Variants in OPCML observed in about 807,000 individuals in gnomAD.
OPCML encodes opioid-binding protein/cell adhesion molecule.
A neutral mutation model predicts 37.8 loss-of-function variants in OPCML; 13 were observed. The ratio of observed to expected loss-of-function variants is 0.34; its 90% CI spans 0.22 to 0.55. OPCML has a LOEUF of 0.55. Among genes scored for constraint, OPCML ranks in the 20% least tolerant of loss-of-function variants. OPCML has a pLI of 0.91. For missense variants in OPCML, 341 were observed against 435.6 expected, an observed-to-expected ratio of 0.78 and a Z score of 1.93; for synonymous variants, 176 against 168.8, an observed-to-expected ratio of 1.04 and a Z score of -0.33.
At chr11:132,453,785 C>T (rs1236808187) in intron 4 of OPCML, among the ~76,000 whole-genome samples, 1 of 152,078 alleles carries the variant, frequency 6.6e-6, no homozygotes, top group Non-Finnish European at 1.5e-5. Flanking sequence ...CTTCAGCAGG[C>T]AGAACTGGGA....
chr11:133,306,292 A>G (rs1282805189), intron 1 of OPCML, among the ~76,000 whole-genome samples: 3 of 152,206 alleles, frequency 2.0e-5, no homozygotes, highest in African/African-American at 7.2e-5. Context: ...ACGCAGCAAA[A>G]TACCACAACA....
chr11:133,007,050 C>T (rs1389546265), intron 1 of OPCML: 4 of 985,296 alleles, frequency 4.1e-6, no homozygotes, highest in Non-Finnish European at 4.8e-6. Context: ...AGAAAAAAAT[C>T]CTTTTCTTTC....
intron 2 of OPCML, among the ~76,000 whole-genome samples, chr11:132,691,265 G>T (rs542188847): frequency 5.9e-5 from 9 of 152,308 alleles, no homozygotes; most frequent in African/African-American, 2.2e-4. Context: ...AGATATTTTT[G>T]CTCACTGTTG....
intron 3 of OPCML, among the ~76,000 whole-genome samples, chr11:132,613,763 TG>T (rs1249708403): frequency 2.0e-5 from 3 of 152,148 alleles, no homozygotes; most frequent in Admixed American, 1.3e-4. Context: ...TATCAAGGCA[TG>T]CAGAATGGCT....
intron 3 of OPCML, among the ~76,000 whole-genome samples, chr11:132,605,864 G>C (rs1020985371): frequency 6.6e-6 from 1 of 152,214 alleles, no homozygotes; most frequent in Admixed American, 6.5e-5. Flanking sequence ...ATAAATGAAT[G>C]AATAAGTGAA....
chr11:133,080,948 T>C (rs568437454), intron 1 of OPCML, among the ~76,000 whole-genome samples: 7 of 151,234 alleles, frequency 4.6e-5, no homozygotes, highest in Non-Finnish European at 1.0e-4. Flanking sequence ...AGTGGAAGAG[T>C]GGGGGTGAAG....
chr11:133,462,038 C>G (rs1946872575), intron 1 of OPCML, among the ~76,000 whole-genome samples: 1 of 151,716 alleles, frequency 6.6e-6, no homozygotes, highest in African/African-American at 2.4e-5. Context: ...AAAATATAGT[C>G]TTTTCAATAA....
At chr11:133,082,906 G>A (rs867263267) in intron 1 of OPCML, among the ~76,000 whole-genome samples, 83 of 150,398 alleles carry the variant, frequency 5.5e-4, no homozygotes, top group Non-Finnish European at 7.3e-4. Context: ...CCCGGAGACC[G>A]CCGCAAGGGG....
intron 3 of OPCML, among the ~76,000 whole-genome samples, chr11:132,587,407 A>C (rs1346867266): frequency 6.6e-6 from 1 of 152,216 alleles, no homozygotes; most frequent in Non-Finnish European, 1.5e-5. Flanking sequence ...GCAGCCCAAC[A>C]GCAAAACATC....
rs1415160563 is a variant in OPCML, at chr11:132,452,223, C to T, written c.506-14864G>A. ...CATGGGGTCTAAAGCAGTTGCTAGG[C>T]ACCCAGAAGATTATTACTATTCAAG... is the stretch of plus-strand genomic sequence containing the variant. On this transcript the variant is annotated intron_variant, in intron 4 of 7. Transcript: ENST00000524381. Among the ~76,000 whole-genome samples, 3 of 152,146 alleles carry T rather than the reference C, an allele frequency of 2.0e-5. No individual in the cohort carries two copies. In the East Asian group the frequency reaches 5.8e-4, roughly 29 times the overall value.
At chr11:133,197,514 C>T (rs1938582233) in intron 1 of OPCML, among the ~76,000 whole-genome samples, 1 of 152,198 alleles carries the variant, frequency 6.6e-6, no homozygotes, top group Admixed American at 6.5e-5. Flanking sequence ...CCACATCTCA[C>T]TGCTTCTCAT....
chr11:133,205,220 G>A lies in OPCML; in HGVS notation c.62-262210C>T, dbSNP rs959417844. 1.2e-4 allele frequency among the ~76,000 whole-genome samples: 19 copies of A among 152,006 alleles called. No homozygotes were observed. Among genetic ancestry groups the A allele is most frequent in the African/African-American group, 4.6e-4 (19 of 41,390 alleles). ...CTTTGATAAAAAACCCAAAAGGCAG[G>A]GTTTGAAGAGCTTCTGGTTGCTGAA... On this transcript the variant is annotated intron_variant, in intron 1 of 7. Coordinates refer to ENST00000524381, the MANE Select transcript of OPCML (RefSeq NM_001012393.5). The surrounding 1 kb of genome is among the most constrained non-coding windows in gnomAD (Gnocchi z 4.8).
intron 1 of OPCML, among the ~76,000 whole-genome samples, chr11:133,100,008 T>C (rs1406729285): frequency 6.6e-6 from 1 of 152,232 alleles, no homozygotes; most frequent in African/African-American, 2.4e-5. Context: ...AAAGGAATTA[T>C]GTTATTTGTA....
chr11:132,442,040 T>A (rs995117723), intron 4 of OPCML, among the ~76,000 whole-genome samples: 2 of 152,194 alleles, frequency 1.3e-5, no homozygotes, highest in Non-Finnish European at 2.9e-5. Context: ...CTGACCTCAC[T>A]GCACTTATTC....
At chr11:132,515,329 G>A (rs1438055380) in intron 4 of OPCML, among the ~76,000 whole-genome samples, 2 of 152,146 alleles carry the variant, frequency 1.3e-5, no homozygotes, top group Non-Finnish European at 2.9e-5. Context: ...AGGCAGAAAG[G>A]ACTTCATTGA....
intron 2 of OPCML, among the ~76,000 whole-genome samples, chr11:132,743,438 G>T (rs1225335110): frequency 6.6e-6 from 1 of 152,152 alleles, no homozygotes; most frequent in African/African-American, 2.4e-5. Flanking sequence ...AGGAAGGAAG[G>T]ATTATGGGAA....
intron 1 of OPCML, among the ~76,000 whole-genome samples, chr11:133,079,783 T>C (rs539009859): frequency 2.0e-5 from 3 of 152,074 alleles, no homozygotes; most frequent in Admixed American, 2.0e-4. Flanking sequence ...GACCTATATG[T>C]TCCCCAAGGT....
intron 1 of OPCML, among the ~76,000 whole-genome samples, chr11:133,385,540 G>A (rs1460542327): frequency 1.3e-5 from 2 of 152,114 alleles, no homozygotes; most frequent in African/African-American, 4.8e-5. Context: ...ACAAAATTAG[G>A]GGTGGGGAGG....
At chr11:132,872,845 G>T (rs760067519) in intron 2 of OPCML, among the ~76,000 whole-genome samples, 2 of 151,322 alleles carry the variant, frequency 1.3e-5, no homozygotes, top group Non-Finnish European at 3.0e-5. Flanking sequence ...ATGCCACCTT[G>T]CTCCCTGGCT....
Sources: gnomAD v4.1 joint callset for allele counts (sites outside exome capture counted in the v4.1 genomes callset) on GRCh38, gnomAD v4.1.1 for gene constraint, Gnocchi (gnomAD v3.1) non-coding constraint, MANE v1.5 for transcripts, NCBI Gene and HGNC (gene_info 2026-07-23, HGNC 2026-07-21) for gene names.